SMARCC1: variants seen among roughly 807,000 people sequenced by gnomAD.
SMARCC1 encodes SWI/SNF complex subunit SMARCC1.
Under a neutral mutation model 147.4 loss-of-function variants are expected in SMARCC1, and 43 were observed. That is an observed-to-expected ratio of 0.29 (90% confidence interval 0.23 to 0.38). The LOEUF (loss-of-function observed/expected upper bound fraction) is 0.38, where lower values mean the gene tolerates loss of function less well. SMARCC1 is among the 10% of genes least tolerant of loss of function. The probability of loss-of-function intolerance (pLI) is 1.00; values close to 1 mark genes in which losing one functional copy is unlikely to be tolerated. For missense variants in SMARCC1, 1,119 were observed against 1,381.1 expected, an observed-to-expected ratio of 0.81 and a Z score of 3.01; for synonymous variants, 495 against 484.4, an observed-to-expected ratio of 1.02 and a Z score of -0.29.
chr3:47,772,808 T>C lies in SMARCC1; in HGVS notation c.315+9A>G, dbSNP rs1490387676. 4 of 1,609,430 alleles carry C rather than the reference T, an allele frequency of 2.5e-6. No homozygotes were observed. Among genetic ancestry groups the C allele is most frequent in the Non-Finnish European group, 8.5e-7 (1 of 1,177,044 alleles). ...GGATGCCCAAATAACAGTAAGCTGA[T>C]GTACTTACAGGGAGTTTGGTGAAGG... On this transcript the variant is annotated intron_variant, in intron 2 of 27. Transcript: ENST00000254480.
At chr3:47,621,818 TA>T (rs775171684) in intron 25 of SMARCC1, among the ~76,000 whole-genome samples, 1,297 of 129,312 alleles carry the variant, frequency 0.01, 8 homozygotes, top group South Asian at 0.028. Flanking sequence ...ATTAAAACTT[TA>T]AAAAAAAAAA....
intron 2 of SMARCC1, among the ~76,000 whole-genome samples, chr3:47,764,205 T>C (rs2034808911): frequency 6.6e-6 from 1 of 151,998 alleles, no homozygotes; most frequent in Non-Finnish European, 1.5e-5. Flanking sequence ...CACGACTAAT[T>C]TTTAGTTTTT....
rs144988617 is a variant in SMARCC1 at position 47,596,732 on chromosome 3, T to C, written c.3044-5895A>G. Among the ~76,000 whole-genome samples the C allele has an allele frequency of 5.6e-3, 856 of 151,826 alleles. 4 individuals are homozygous for C. Among genetic ancestry groups the C allele is most frequent in the Non-Finnish European group, 9.4e-3 (636 of 67,924 alleles). ...TGCATGCCACCATGCCCAGCTAGGA[T>C]AGAAAGCTTTAAGAAGGGATGCAGA... On this transcript the variant is annotated intron_variant, in intron 26 of 27. Transcript: ENST00000254480.
intron 10 of SMARCC1, among the ~76,000 whole-genome samples, chr3:47,704,405 A>G (rs942724461): frequency 3.3e-5 from 5 of 152,228 alleles, no homozygotes; most frequent in Admixed American, 6.5e-5. Flanking sequence ...ATGCATACAT[A>G]TATTTTAGAG....
intron 2 of SMARCC1, among the ~76,000 whole-genome samples, chr3:47,750,762 T>C (rs566274318): frequency 1.9e-4 from 29 of 152,224 alleles, no homozygotes; most frequent in African/African-American, 6.0e-4. Flanking sequence ...CACTTAAAAT[T>C]AGAGATCCAC....
chr3:47,721,523 T>C (rs1212469474), intron 6 of SMARCC1, among the ~76,000 whole-genome samples: 3 of 152,116 alleles, frequency 2.0e-5, no homozygotes, highest in African/African-American at 7.2e-5. Context: ...AGTTCTGAAG[T>C]AAGCCCCCTT....
chr3:47,622,827 T>A (rs2032754294), intron 24 of SMARCC1, among the ~76,000 whole-genome samples: 1 of 152,174 alleles, frequency 6.6e-6, no homozygotes, highest in South Asian at 2.1e-4. Flanking sequence ...AAACAATATT[T>A]GATCTGTAAT....
Position 47,781,676 on chromosome 3 carries a change from TTGG to T in SMARCC1, c.119_121del (p.Thr40del), listed in dbSNP as rs1262135326. ...CACCGTCTCCGGGCTCTCCCAAAAC[TTGG>T]TGGCCGGGCCCCCATCCTTCCGTCG... On this transcript the variant is annotated inframe_deletion, in exon 1 of 28. Transcript: ENST00000254480. The T allele has an allele frequency of 6.4e-7, 1 of 1,559,512 alleles. No homozygotes were observed. Among genetic ancestry groups the T allele is most frequent in the Non-Finnish European group, 8.6e-7 (1 of 1,156,642 alleles).
intron 9 of SMARCC1, among the ~76,000 whole-genome samples, chr3:47,706,844 C>A (rs1228276401): frequency 6.6e-6 from 1 of 152,104 alleles, no homozygotes; most frequent in Non-Finnish European, 1.5e-5. Context: ...AATTGTATTT[C>A]AATAACTACT....
intron 8 of SMARCC1, among the ~76,000 whole-genome samples, chr3:47,711,538 T>G (rs369664881): frequency 5.9e-5 from 9 of 152,326 alleles, no homozygotes; most frequent in African/African-American, 2.2e-4. Flanking sequence ...GAGGTTTAAG[T>G]TGGAGTAGTG....
In SMARCC1 at chr3:47,634,241, C is replaced by T. The variant is rs115720199; in HGVS notation, c.2646+949G>A. Among the ~76,000 whole-genome samples the T allele has an allele frequency of 4.2e-3, 644 of 152,184 alleles. 5 individuals are homozygous for T. Among genetic ancestry groups the T allele is most frequent in the South Asian group, 0.031 (149 of 4,806 alleles). Reference sequence around the variant, plus strand: ...AGTTAGTATAATAACAATGATCAGCCGGAGTAACTCTCTGGGTTGACTGAG... The same window carrying T: ...AGTTAGTATAATAACAATGATCAGCTGGAGTAACTCTCTGGGTTGACTGAG... On this transcript the variant is annotated intron_variant, in intron 24 of 27. Transcript: ENST00000254480.
chr3:47,671,439 A>G (rs2033501376), intron 18 of SMARCC1, among the ~76,000 whole-genome samples: 1 of 152,138 alleles, frequency 6.6e-6, no homozygotes, highest in Non-Finnish European at 1.5e-5. Flanking sequence ...TACACACGTA[A>G]AACACTGACA....
chr3:47,622,351 C>T lies in SMARCC1; in HGVS notation c.2647-10G>A, dbSNP rs1250907654. ...CCACTGCAGCCAGGTGCTAAGGGTACAAGATCATTCAAGCTATTTAGGTAA... is the reference window on the plus strand; with the variant it reads ...CCACTGCAGCCAGGTGCTAAGGGTATAAGATCATTCAAGCTATTTAGGTAA... On this transcript the variant is annotated splice_polypyrimidine_tract_variant and intron_variant, in intron 24 of 27. Coordinates refer to ENST00000254480, the MANE Select transcript of SMARCC1 (RefSeq NM_003074.4). The T allele has an allele frequency of 1.9e-6, 3 of 1,612,246 alleles. No individual in the cohort carries two copies. The African/African-American group carries it at 4.0e-5, about 22-fold the overall frequency.
intron 26 of SMARCC1, among the ~76,000 whole-genome samples, chr3:47,605,789 A>C (rs1384494014): frequency 6.6e-6 from 1 of 152,088 alleles, no homozygotes; most frequent in African/African-American, 2.4e-5. Context: ...ACAAAACAAA[A>C]CAAGGAAAGC....
At chr3:47,780,168 G>GTTTTT (rs10662354) in intron 1 of SMARCC1, among the ~76,000 whole-genome samples, 99 of 61,866 alleles carry the variant, frequency 1.6e-3, no homozygotes, top group Middle Eastern at 0.017. Flanking sequence ...GTTTTTTTTT[G>GTTTTT]TTTTTTTTTT....
intron 16 of SMARCC1, among the ~76,000 whole-genome samples, chr3:47,677,749 G>T (rs1462671001): frequency 6.6e-6 from 1 of 151,688 alleles, no homozygotes; most frequent in African/African-American, 2.4e-5. Flanking sequence ...CGCCATGTTG[G>T]CCAGGCTCGA....
chr3:47,692,176 A>G (rs967939826), intron 12 of SMARCC1, among the ~76,000 whole-genome samples: 1 of 152,228 alleles, frequency 6.6e-6, no homozygotes, highest in Middle Eastern at 3.2e-3. Context: ...TGAAGAAAAG[A>G]AATCAAGCCT....
intron 3 of SMARCC1, 116 bp downstream of exon 3, chr3:47,745,792 G>C: frequency 1.8e-6 from 1 of 552,498 alleles, no homozygotes; most frequent in Non-Finnish European, 3.2e-6. Context: ...GTAAATTAGG[G>C]CTCTTGGTAA....
Position 47,673,400 on chromosome 3 carries a change from G to C in SMARCC1, c.1839+2075C>G, listed in dbSNP as rs1252982962. Among the ~76,000 whole-genome samples, 4 of 117,058 alleles carry C rather than the reference G, an allele frequency of 3.4e-5. 1 individual carries two copies. The highest frequency in any genetic ancestry group is 7.6e-5 in the African/African-American group (2 of 26,378). The allele number at this position is 117,058 out of a possible 152,430, so 76.8% of individuals were successfully genotyped here. A position where few individuals can be genotyped will look rare whatever the true frequency, so the allele number is the denominator to read the frequency against. On this transcript the variant is annotated intron_variant, in intron 18 of 27. Transcript: ENST00000254480. ...GACTCTGTCTCAAAAAAAAAAGGGT[G>C]GGGGGGGGGCAGGCCAGTGGCTCAG... is the stretch of plus-strand genomic sequence containing the variant.
Sources: allele counts gnomAD v4.1 joint callset (sites outside exome capture counted in the v4.1 genomes callset), GRCh38; gene constraint gnomAD v4.1.1; transcripts MANE v1.5; gene names NCBI Gene and HGNC (gene_info 2026-07-23, HGNC 2026-07-21).